The following AR variants were observed in gnomAD, a reference collection of about 807,000 sequenced individuals.
The protein encoded by AR is androgen receptor, also known as dihydrotestosterone receptor.
AR carries 8 observed loss-of-function variants against 53.9 expected under a neutral mutation model. The observed-to-expected ratio is 0.15, with a 90% confidence interval of 0.09 to 0.27. AR has a LOEUF of 0.27. Ranked by LOEUF, AR falls within the 10% of genes least tolerant of loss-of-function variation. The pLI, the probability that AR is intolerant of heterozygous loss-of-function variation, is 1.00. For missense variants in AR, 639 were observed against 742.5 expected, an observed-to-expected ratio of 0.86 and a Z score of 1.62; for synonymous variants, 359 against 316.4, an observed-to-expected ratio of 1.13 and a Z score of -1.43.
chrX:67,680,954 C>G (rs2075929865), intron 2 of AR: 3 of 235,063 alleles, frequency 1.3e-5, no homozygotes, highest in Non-Finnish European at 2.4e-5. Flanking sequence ...AATTTCAGAG[C>G]CAGCTGGCAT....
At chrX:67,697,211 C>T (rs1277263329) in intron 3 of AR, among the ~76,000 whole-genome samples, 1 of 111,693 alleles carries the variant, frequency 9.0e-6, no homozygotes, top group Non-Finnish European at 1.9e-5. Context: ...ACTTATAGGA[C>T]TGTTGGGGAT....
At chrX:67,596,693 C>G (rs1205674439) in intron 1 of AR, among the ~76,000 whole-genome samples, 1 of 111,662 alleles carries the variant, frequency 9.0e-6, no homozygotes, top group Non-Finnish European at 1.9e-5. Context: ...TCATTTTAAG[C>G]ATACATAGAC....
intron 5 of AR, among the ~76,000 whole-genome samples, chrX:67,720,221 G>A (rs2076129941): frequency 9.1e-6 from 1 of 110,159 alleles, no homozygotes; most frequent in Admixed American, 9.7e-5. Context: ...TTCCATTCCT[G>A]CCTCATTTTT....
chrX:67,562,065 G>A (rs1462310783), intron 1 of AR, among the ~76,000 whole-genome samples: 2 of 105,664 alleles, frequency 1.9e-5, no homozygotes, highest in Non-Finnish European at 3.9e-5. Context: ...TTAGCCTCTG[G>A]AGTAGCTGGG....
chrX:67,669,654 A>C (rs1212814496), intron 2 of AR, among the ~76,000 whole-genome samples: 1 of 111,060 alleles, frequency 9.0e-6, no homozygotes, highest in African/African-American at 3.3e-5. Flanking sequence ...AAAATCTCTA[A>C]ATATTATTGT....
intron 5 of AR, among the ~76,000 whole-genome samples, chrX:67,718,617 C>G (rs1028552764): frequency 9.0e-6 from 1 of 111,182 alleles, no homozygotes; most frequent in South Asian, 3.9e-4. Context: ...CTGATTCACC[C>G]TTTCCCTAAT....
At chrX:67,628,727 G>A (rs1338252252) in intron 1 of AR, among the ~76,000 whole-genome samples, 1 of 111,764 alleles carries the variant, frequency 8.9e-6, no homozygotes, top group Non-Finnish European at 1.9e-5. Flanking sequence ...TTTTCAAAGA[G>A]AATGCTTCCA....
At chrX:67,701,146 C>T (rs770513793) in intron 3 of AR, among the ~76,000 whole-genome samples, 2 of 111,637 alleles carry the variant, frequency 1.8e-5, no homozygotes, top group South Asian at 7.7e-4. Context: ...GGAAATGTGG[C>T]AGGTGAGACT....
chrX:67,605,773 C>T (rs1233189893), intron 1 of AR, among the ~76,000 whole-genome samples: 1 of 112,191 alleles, frequency 8.9e-6, no homozygotes, highest in Admixed American at 9.4e-5. Flanking sequence ...AGCCTTTTAT[C>T]TGTCTGTTCA....
intron 2 of AR, among the ~76,000 whole-genome samples, chrX:67,656,134 A>G (rs867180524): frequency 1.8e-5 from 2 of 111,821 alleles, no homozygotes; most frequent in Admixed American, 9.5e-5. Context: ...ACTCCAGGCT[A>G]TAAGCATTTG....
chrX:67,665,685 T>C (rs1927226575), intron 2 of AR, among the ~76,000 whole-genome samples: 1 of 111,449 alleles, frequency 9.0e-6, no homozygotes, highest in Admixed American at 9.5e-5. Context: ...CAAGCCCTTT[T>C]ATGATGGTGT....
chrX:67,639,984 A>T (rs1009182429), intron 1 of AR, among the ~76,000 whole-genome samples: 3 of 111,381 alleles, frequency 2.7e-5, no homozygotes, highest in African/African-American at 9.8e-5. Flanking sequence ...TTATTTTGAG[A>T]TATATTCCAT....
chrX:67,705,545 G>A (rs1434696532), intron 3 of AR, among the ~76,000 whole-genome samples: 1 of 111,532 alleles, frequency 9.0e-6, no homozygotes, highest in Admixed American at 9.5e-5. Flanking sequence ...GAGATTTTGG[G>A]CTGAGACAAT....
chrX:67,566,524 CT>C (rs1462510664), intron 1 of AR, among the ~76,000 whole-genome samples: 1 of 111,234 alleles, frequency 9.0e-6, no homozygotes, highest in Non-Finnish European at 1.9e-5. Context: ...GTTTCAGCCT[CT>C]GTGTGTGTAT....
At chrX:67,666,935 T>C (rs764318139) in intron 2 of AR, among the ~76,000 whole-genome samples, 1 of 111,511 alleles carries the variant, frequency 9.0e-6, no homozygotes, top group Admixed American at 9.6e-5. Flanking sequence ...TACAGAGTGC[T>C]TGAGCTCTTT....
intron 2 of AR, among the ~76,000 whole-genome samples, chrX:67,670,393 A>T (rs964384397): frequency 3.9e-5 from 4 of 103,464 alleles, no homozygotes; most frequent in Admixed American, 1.1e-4. Context: ...TTAAAATAAT[A>T]ATTTTTATTT....
intron 3 of AR, among the ~76,000 whole-genome samples, chrX:67,708,793 T>A (rs2076080376): frequency 8.9e-6 from 1 of 111,838 alleles, no homozygotes; most frequent in Non-Finnish European, 1.9e-5. Flanking sequence ...TGGTCTTTGA[T>A]GATGGTGACA....
intron 1 of AR, among the ~76,000 whole-genome samples, chrX:67,554,294 G>A (rs377013485): frequency 3.7e-4 from 42 of 112,008 alleles, no homozygotes; most frequent in Admixed American, 1.5e-3. Flanking sequence ...TTAGGTTATC[G>A]TAAGCAGCTA....
At chrX:67,642,770 A>G (rs769449644) in intron 1 of AR, among the ~76,000 whole-genome samples, 4 of 111,887 alleles carry the variant, frequency 3.6e-5, no homozygotes, top group Non-Finnish European at 7.5e-5. Flanking sequence ...GCTCAATAGG[A>G]TGGGAGATAT....
Sources: gnomAD v4.1 joint callset for allele counts (sites outside exome capture counted in the v4.1 genomes callset) on GRCh38, gnomAD v4.1.1 for gene constraint, MANE v1.5 for transcripts, NCBI Gene and HGNC (gene_info 2026-07-23, HGNC 2026-07-21) for gene names.